The following CNTN4 variants were observed in gnomAD, a reference collection of about 807,000 sequenced individuals.
CNTN4 encodes contactin-4.
In CNTN4, 77 loss-of-function variants were observed where a neutral mutation model predicts 122.5. The observed-to-expected ratio is 0.63, with a 90% confidence interval of 0.52 to 0.76. CNTN4 has a LOEUF of 0.76. CNTN4 is among the 30% of genes least tolerant of loss of function. The probability of loss-of-function intolerance (pLI) is 0.00; values close to 1 mark genes in which losing one functional copy is unlikely to be tolerated. For missense variants in CNTN4, 1,256 were observed against 1,259.1 expected, an observed-to-expected ratio of 1.00 and a Z score of 0.04; for synonymous variants, 512 against 447.0, an observed-to-expected ratio of 1.15 and a Z score of -1.83.
Position 2,977,876 on chromosome 3 carries a change from A to C in CNTN4, c.1359-10469A>C, listed in dbSNP as rs561121206. Among the ~76,000 whole-genome samples the C allele has an allele frequency of 2.6e-5, 4 of 152,324 alleles. No individual in the cohort carries two copies. In the East Asian group the frequency reaches 7.7e-4, roughly 29 times the overall value. On this transcript the variant is annotated intron_variant, in intron 13 of 24. Coordinates refer to ENST00000418658, the MANE Select transcript of CNTN4 (RefSeq NM_175607.3). ...CCCTAATCCAATGACTGATGTCCTT[A>C]TGTAAGGAGAGGGAAATTTGGATAC...
intron 3 of CNTN4, among the ~76,000 whole-genome samples, chr3:2,515,925 C>A: frequency 6.6e-6 from 1 of 152,160 alleles, no homozygotes; most frequent in East Asian, 1.9e-4. Flanking sequence ...TATACACACA[C>A]ACTTATAAAT....
At chr3:2,332,670 A>G (rs889002403) in intron 2 of CNTN4, among the ~76,000 whole-genome samples, 3 of 143,198 alleles carry the variant, frequency 2.1e-5, no homozygotes, top group African/African-American at 5.1e-5. Flanking sequence ...GAATTGAACA[A>G]TGAGAACACA....
intron 4 of CNTN4, among the ~76,000 whole-genome samples, chr3:2,673,367 A>T (rs2084649088): frequency 6.6e-6 from 1 of 152,160 alleles, no homozygotes. Flanking sequence ...ATTGCAAAAT[A>T]TAACCCTGAA....
chr3:2,454,800 C>T lies in CNTN4; in HGVS notation c.-89+115567C>T, dbSNP rs73804571. On this transcript the variant is annotated intron_variant, in intron 3 of 24. Coordinates refer to ENST00000418658, the MANE Select transcript of CNTN4 (RefSeq NM_175607.3). Reference sequence around the variant, plus strand: ...ACTCAGTAAGTATTTCATGATTGAACGGCTGAATACCTGAATGTGTGAATA... The same window carrying T: ...ACTCAGTAAGTATTTCATGATTGAATGGCTGAATACCTGAATGTGTGAATA... Among the ~76,000 whole-genome samples, 1,118 of 152,066 alleles carry T rather than the reference C, an allele frequency of 7.4e-3. 17 individuals carry two copies. The highest frequency in any genetic ancestry group is 0.022 in the African/African-American group (924 of 41,486).
intron 7 of CNTN4, among the ~76,000 whole-genome samples, chr3:2,845,514 T>A (rs2093441292): frequency 6.6e-6 from 1 of 152,204 alleles, no homozygotes; most frequent in Non-Finnish European, 1.5e-5. Context: ...ATGACATACA[T>A]ATGGCATTAC....
chr3:2,364,261 A>T (rs1428810241), intron 3 of CNTN4, among the ~76,000 whole-genome samples: 2 of 152,226 alleles, frequency 1.3e-5, no homozygotes, highest in Non-Finnish European at 2.9e-5. Flanking sequence ...AATAATATTT[A>T]TCTCAGAGTT....
chr3:2,652,971 A>G (rs772678743), intron 4 of CNTN4, among the ~76,000 whole-genome samples: 7 of 152,028 alleles, frequency 4.6e-5, no homozygotes, highest in Non-Finnish European at 7.4e-5. Context: ...TAAGCTTTCC[A>G]TATTTAGAAA....
chr3:2,782,292 T>TG (rs149278946), intron 6 of CNTN4, among the ~76,000 whole-genome samples: 20,108 of 149,450 alleles, frequency 0.13, 1,725 homozygotes, highest in Admixed American at 0.29. Context: ...AGATGGTAGG[T>TG]GGGGGGGGGC....
chr3:2,398,896 A>G (rs960106755), intron 3 of CNTN4, among the ~76,000 whole-genome samples: 2 of 152,120 alleles, frequency 1.3e-5, no homozygotes, highest in African/African-American at 4.8e-5. Flanking sequence ...TTTGCAATAA[A>G]CTATAGAATA....
chr3:2,769,840 C>A (rs1023576307), intron 6 of CNTN4, among the ~76,000 whole-genome samples: 1 of 152,122 alleles, frequency 6.6e-6, no homozygotes, highest in Non-Finnish European at 1.5e-5. Flanking sequence ...ACAAGCAGAT[C>A]AAAAATAGCA....
intron 13 of CNTN4, among the ~76,000 whole-genome samples, chr3:2,979,546 T>G (rs1423340877): frequency 6.6e-6 from 1 of 152,114 alleles, no homozygotes; most frequent in Admixed American, 6.6e-5. Flanking sequence ...GCTTTCAGCT[T>G]TCAAACACGT....
chr3:2,506,313 G>A (rs952678440), intron 3 of CNTN4, among the ~76,000 whole-genome samples: 1 of 152,232 alleles, frequency 6.6e-6, no homozygotes, highest in Non-Finnish European at 1.5e-5. Flanking sequence ...AAAGAGCTCA[G>A]TACCAGAGCC....
At chr3:2,275,812 C>T (rs1219955537) in intron 2 of CNTN4, among the ~76,000 whole-genome samples, 1 of 149,644 alleles carries the variant, frequency 6.7e-6, no homozygotes, top group Non-Finnish European at 1.5e-5. Context: ...CCCAGCTACT[C>T]AGGAAGCTGA....
chr3:2,416,437 G>C (rs1307411103), intron 3 of CNTN4, among the ~76,000 whole-genome samples: 2 of 152,162 alleles, frequency 1.3e-5, no homozygotes, highest in East Asian at 3.8e-4. Flanking sequence ...ATACAGAAAT[G>C]AAAATTGGGA....
intron 13 of CNTN4, among the ~76,000 whole-genome samples, chr3:2,943,709 T>C (rs2094642087): frequency 6.7e-6 from 1 of 150,024 alleles, no homozygotes; most frequent in South Asian, 2.1e-4. Flanking sequence ...CTGCAACCTC[T>C]GACTCCCTGG....
At position 2,842,792 on chromosome 3, in the gene CNTN4, G is replaced by A. The variant is rs143971483; in HGVS notation, c.454+23211G>A. ...AATACTTGCTTCTTGTGGCTTTTGG[G>A]CTATAACTCTCTTGGTACCCCCTTT... is the stretch of plus-strand genomic sequence containing the variant. On this transcript the variant is annotated intron_variant, in intron 7 of 24. Coordinates refer to ENST00000418658, the MANE Select transcript of CNTN4 (RefSeq NM_175607.3). Among the ~76,000 whole-genome samples the A allele has an allele frequency of 4.6e-3, 703 of 152,170 alleles. 6 individuals carry two copies. The highest frequency in any genetic ancestry group is 0.016 in the African/African-American group (670 of 41,518).
intron 3 of CNTN4, among the ~76,000 whole-genome samples, chr3:2,558,268 A>G (rs550028496): frequency 6.6e-6 from 1 of 152,342 alleles, no homozygotes; most frequent in East Asian, 1.9e-4. Flanking sequence ...TAACTAAACA[A>G]CAGACCTTAT....
chr3:3,053,594 G>A (rs1701486159), intron 23 of CNTN4, among the ~76,000 whole-genome samples: 1 of 152,126 alleles, frequency 6.6e-6, no homozygotes, highest in Admixed American at 6.5e-5. Flanking sequence ...TGATGCCCCT[G>A]ATATAATATC....
intron 4 of CNTN4, among the ~76,000 whole-genome samples, chr3:2,648,363 C>T (rs918421237): frequency 1.3e-4 from 20 of 152,236 alleles, no homozygotes; most frequent in East Asian, 1.9e-4. Context: ...AACACTGCAT[C>T]GAGCAAGTCT....
Sources: gnomAD v4.1 joint callset for allele counts (sites outside exome capture counted in the v4.1 genomes callset) on GRCh38, gnomAD v4.1.1 for gene constraint, MANE v1.5 for transcripts, NCBI Gene and HGNC (gene_info 2026-07-23, HGNC 2026-07-21) for gene names.